CARMIL1: variants seen among roughly 807,000 people sequenced by gnomAD.
The protein encoded by CARMIL1 is F-actin-uncapping protein LRRC16A.
In CARMIL1, 90 loss-of-function variants were observed where a neutral mutation model predicts 177.1. That is an observed-to-expected ratio of 0.51 (90% CI 0.43 to 0.61). The LOEUF (loss-of-function observed/expected upper bound fraction) is 0.61, where lower values mean the gene tolerates loss of function less well. CARMIL1 is among the 20% of genes least tolerant of loss of function. The pLI is 0.00. For synonymous variants in CARMIL1, 577 were observed against 606.2 expected (o/e 0.95, Z 0.71); for missense variants, 1,380 against 1,667.0 (o/e 0.83, Z 3.00).
chr6:25,514,550 C>CAAAAAAA (rs66490833), intron 20 of CARMIL1, among the ~76,000 whole-genome samples: 114 of 83,692 alleles, frequency 1.4e-3, no homozygotes, highest in South Asian at 1.5e-3. Context: ...GACCTTGTCT[C>CAAAAAAA]AAAAAAAAAA....
rs1554208702 is a variant in CARMIL1, at chr6:25,490,744, AATAAAT to A, written c.1066-986_1066-981del. ...AAATAAATAAATAAATAAATAAATAAATAAATAAAAAAAAATAAATGTCATTCTGTG... is the reference window on the plus strand; with the variant it reads ...AAATAAATAAATAAATAAATAAATAAAAAAAAAAATAAATGTCATTCTGTG... On this transcript the variant is annotated intron_variant, in intron 13 of 36. Transcript: ENST00000329474. Among the ~76,000 whole-genome samples, 15 of 71,618 alleles carry A rather than the reference AATAAAT, an allele frequency of 2.1e-4. No homozygotes were observed. In the South Asian group the frequency reaches 5.2e-3, roughly 25 times the overall value. 47.0% of individuals were successfully genotyped at this position (71,618 alleles called of 152,430 possible). A position where few individuals can be genotyped will look rare whatever the true frequency, so the allele number is the denominator to read the frequency against.
chr6:25,428,686 T>C (rs1370019933), intron 4 of CARMIL1, among the ~76,000 whole-genome samples: 2 of 152,224 alleles, frequency 1.3e-5, no homozygotes, highest in Non-Finnish European at 2.9e-5. Flanking sequence ...TGTTTAGGTC[T>C]TTTTCAGTTT....
chr6:25,599,297 C>T (rs568855561), intron 32 of CARMIL1, among the ~76,000 whole-genome samples: 1 of 152,352 alleles, frequency 6.6e-6, no homozygotes, highest in South Asian at 2.1e-4. Flanking sequence ...TAGGTTTCAG[C>T]TTTCTCTGAT....
At chr6:25,423,656 T>G (rs1024567472) in intron 3 of CARMIL1, among the ~76,000 whole-genome samples, 2 of 151,992 alleles carry the variant, frequency 1.3e-5, no homozygotes, top group African/African-American at 4.8e-5. Context: ...AAGAACAGGC[T>G]CCTTATCACT....
chr6:25,308,013 A>G (rs144171563), intron 2 of CARMIL1, among the ~76,000 whole-genome samples: 118 of 152,356 alleles, frequency 7.7e-4, no homozygotes, highest in Middle Eastern at 3.4e-3. Context: ...ATAAGACTTT[A>G]AACAAGGTAG....
intron 8 of CARMIL1, among the ~76,000 whole-genome samples, chr6:25,451,104 A>G (rs186017529): frequency 4.4e-4 from 66 of 148,876 alleles, no homozygotes; most frequent in African/African-American, 1.5e-3. Context: ...AATCAGTACA[A>G]TCTAAGAATC....
intron 32 of CARMIL1, among the ~76,000 whole-genome samples, chr6:25,597,402 A>G (rs1343291499): frequency 6.6e-6 from 1 of 152,186 alleles, no homozygotes; most frequent in Admixed American, 6.5e-5. Flanking sequence ...AAATATTGAC[A>G]ACTGTGTTAG....
chr6:25,366,323 C>G (rs572126260), intron 2 of CARMIL1, among the ~76,000 whole-genome samples: 1 of 152,138 alleles, frequency 6.6e-6, no homozygotes, highest in South Asian at 2.1e-4. Flanking sequence ...CTAGCTATTC[C>G]CTCTGCCTGG....
At chr6:25,585,377 C>T (rs907199107) in intron 31 of CARMIL1, among the ~76,000 whole-genome samples, 2 of 152,134 alleles carry the variant, frequency 1.3e-5, no homozygotes, top group Non-Finnish European at 2.9e-5. Context: ...AACCCTAATG[C>T]CTCAAATGAA....
At chr6:25,586,841 G>A (rs933505460) in intron 31 of CARMIL1, among the ~76,000 whole-genome samples, 3 of 152,056 alleles carry the variant, frequency 2.0e-5, no homozygotes, top group Non-Finnish European at 4.4e-5. Context: ...GCAATCCCAG[G>A]CACTCGGCAG....
chr6:25,335,409 C>G (rs1786106658), intron 2 of CARMIL1, among the ~76,000 whole-genome samples: 1 of 152,100 alleles, frequency 6.6e-6, no homozygotes. Flanking sequence ...TCTAAAAATT[C>G]TATATTCTGG....
intron 3 of CARMIL1, among the ~76,000 whole-genome samples, chr6:25,422,571 T>A (rs189047456): frequency 4.6e-5 from 7 of 152,328 alleles, no homozygotes; most frequent in African/African-American, 1.7e-4. Context: ...TGAGCCTATA[T>A]GTTTATTATG....
chr6:25,362,036 C>T (rs1789256303), intron 2 of CARMIL1, among the ~76,000 whole-genome samples: 1 of 151,110 alleles, frequency 6.6e-6, no homozygotes, highest in Non-Finnish European at 1.5e-5. Context: ...AAATAAATTA[C>T]ACAGTCTGTG....
At chr6:25,420,086 T>C in intron 2 of CARMIL1, 28 bp from the exon 3 acceptor site, 2 of 1,600,918 alleles carry the variant, frequency 1.2e-6, no homozygotes, top group Non-Finnish European at 1.7e-6. Context: ...TTGGTGCTTA[T>C]ACTGATGCTG....
chr6:25,363,218 G>T (rs1789418903), intron 2 of CARMIL1, among the ~76,000 whole-genome samples: 4 of 151,770 alleles, frequency 2.6e-5, no homozygotes, highest in African/African-American at 9.7e-5. Flanking sequence ...AGAAAGATGG[G>T]TTAAGTGAAG....
intron 27 of CARMIL1, among the ~76,000 whole-genome samples, chr6:25,551,900 A>G (rs1810141699): frequency 6.6e-6 from 1 of 152,178 alleles, no homozygotes; most frequent in Non-Finnish European, 1.5e-5. Flanking sequence ...ATGACAATCC[A>G]TGAGAAAAAC....
intron 2 of CARMIL1, among the ~76,000 whole-genome samples, chr6:25,286,065 G>A (rs544114947): frequency 6.6e-6 from 1 of 152,166 alleles, no homozygotes; most frequent in South Asian, 2.1e-4. Context: ...TAGAGACAGG[G>A]TCTCCCTGTA....
At chr6:25,420,053 C>A in intron 2 of CARMIL1, 61 bp from the exon 3 acceptor site, 1 of 1,348,728 alleles carries the variant, frequency 7.4e-7, no homozygotes, top group Non-Finnish European at 1.1e-6. Context: ...CGTGGAAACA[C>A]CAAAGCCCAC....
intron 35 of CARMIL1, 108 bp downstream of exon 35, chr6:25,606,381 G>GCGGCTT (rs2151322472): frequency 1.0e-6 from 1 of 963,920 alleles, no homozygotes; most frequent in African/African-American, 1.6e-5. Context: ...GCGAGGTACA[G>GCGGCTT]CGGCTTCTGC....
Sources: allele counts gnomAD v4.1 joint callset (sites outside exome capture counted in the v4.1 genomes callset), GRCh38; gene constraint gnomAD v4.1.1; transcripts MANE v1.5; gene names NCBI Gene and HGNC (gene_info 2026-07-23, HGNC 2026-07-21).